The following CRPPA variants were observed in gnomAD, a reference collection of about 807,000 sequenced individuals.
CRPPA encodes the protein CDP-L-ribitol pyrophosphorylase A.
In CRPPA, 43 loss-of-function variants were observed where a neutral mutation model predicts 52.0. The ratio of observed to expected loss-of-function variants is 0.83; its 90% confidence interval spans 0.65 to 1.07. The LOEUF is 1.07. Ranked by LOEUF, CRPPA falls within the 50% of genes least tolerant of loss-of-function variation. The pLI is 0.00. For missense variants in CRPPA, 629 were observed against 551.7 expected (o/e 1.14, Z -1.40); for synonymous variants, 250 against 203.5 (o/e 1.23, Z -1.94).
At chr7:16,298,885 C>G (rs774670669) in intron 5 of CRPPA, among the ~76,000 whole-genome samples, 11 of 152,194 alleles carry the variant, frequency 7.2e-5, no homozygotes, top group Non-Finnish European at 1.2e-4. Flanking sequence ...GGTTCTGGGT[C>G]TTCTTGGGAC....
At chr7:16,368,504 A>G (rs546848668) in intron 3 of CRPPA, among the ~76,000 whole-genome samples, 91 of 152,344 alleles carry the variant, frequency 6.0e-4, no homozygotes, top group African/African-American at 2.1e-3. Flanking sequence ...TAAATTATCA[A>G]TCCAGACATT....
intron 5 of CRPPA, among the ~76,000 whole-genome samples, chr7:16,286,033 AAAAAAATATAAATATATATATAT>A (rs1562608248): frequency 3.2e-4 from 7 of 21,970 alleles, no homozygotes; most frequent in African/African-American, 1.9e-3. Context: ...AAAAAAAAAA[AAAAAAATATAAATATATATATAT>A]ATATATATAT....
intron 4 of CRPPA, among the ~76,000 whole-genome samples, chr7:16,305,097 T>A (rs1784879779): frequency 2.0e-5 from 3 of 152,144 alleles, no homozygotes; most frequent in Admixed American, 2.0e-4. Context: ...ACTCTCATCA[T>A]ACAAAATAAG....
At chr7:16,358,527 C>G (rs1786363799) in intron 3 of CRPPA, among the ~76,000 whole-genome samples, 1 of 152,296 alleles carries the variant, frequency 6.6e-6, no homozygotes. Context: ...TTCACCCCAT[C>G]CACAAAATAT....
intron 2 of CRPPA, among the ~76,000 whole-genome samples, chr7:16,404,580 T>C (rs1007046161): frequency 2.7e-5 from 4 of 149,526 alleles, no homozygotes; most frequent in Admixed American, 6.7e-5. Context: ...GCAATTGTTA[T>C]AGTGAGCTTA....
At chr7:16,214,706 C>T (rs970226991) in intron 9 of CRPPA, among the ~76,000 whole-genome samples, 1 of 152,108 alleles carries the variant, frequency 6.6e-6, no homozygotes, top group Non-Finnish European at 1.5e-5. Flanking sequence ...AGGGTTTCAC[C>T]GTGTTGGCCA....
chr7:16,121,235 T>A, intron 9 of CRPPA, among the ~76,000 whole-genome samples: 1 of 152,192 alleles, frequency 6.6e-6, no homozygotes. Context: ...TTATTTGAAG[T>A]TTAGATTTAT....
At chr7:16,212,017 A>G (rs1247207547) in intron 9 of CRPPA, among the ~76,000 whole-genome samples, 3 of 152,166 alleles carry the variant, frequency 2.0e-5, no homozygotes, top group Admixed American at 2.0e-4. Context: ...CCTATTTTGG[A>G]GATTTTTATA....
intron 9 of CRPPA, among the ~76,000 whole-genome samples, chr7:16,113,191 GA>G (rs1375136853): frequency 6.6e-6 from 1 of 151,566 alleles, no homozygotes; most frequent in Non-Finnish European, 1.5e-5. Context: ...TGAACATAAA[GA>G]AAAAAGAATC....
chr7:16,342,828 G>C lies in CRPPA; in HGVS notation c.684+33264C>G, dbSNP rs546642665. On this transcript the variant is annotated intron_variant, in intron 3 of 9. Coordinates refer to ENST00000407010, the MANE Select transcript of CRPPA (RefSeq NM_001101426.4). Reference sequence around the variant, plus strand: ...ATAGATATATAGATATACATATATAGATATATAGATATATAGATATACATA... The same window carrying C: ...ATAGATATATAGATATACATATATACATATATAGATATATAGATATACATA... Among the ~76,000 whole-genome samples, 1,205 of 132,448 alleles carry C rather than the reference G, an allele frequency of 9.1e-3. 42 individuals carry two copies. Among genetic ancestry groups the C allele is most frequent in the African/African-American group, 0.034 (1,100 of 32,496 alleles). 86.9% of individuals were successfully genotyped at this position (132,448 alleles called of 152,430 possible).
chr7:16,151,600 A>T (rs1459116438), intron 9 of CRPPA, among the ~76,000 whole-genome samples: 1 of 151,586 alleles, frequency 6.6e-6, no homozygotes, highest in East Asian at 2.1e-4. Context: ...AGTATATTTT[A>T]AAAAAATAAA....
At chr7:16,306,993 C>A (rs867912290) in intron 4 of CRPPA, among the ~76,000 whole-genome samples, 3 of 152,086 alleles carry the variant, frequency 2.0e-5, no homozygotes, top group African/African-American at 4.8e-5. Context: ...TTAAGATTAT[C>A]CTGAGACAAT....
chr7:16,155,693 T>A (rs989547044), intron 9 of CRPPA, among the ~76,000 whole-genome samples: 1 of 150,550 alleles, frequency 6.6e-6, no homozygotes, highest in African/African-American at 2.5e-5. Context: ...ATTAATAGAC[T>A]GTTTGTGTTA....
intron 9 of CRPPA, among the ~76,000 whole-genome samples, chr7:16,156,044 T>C (rs901530217): frequency 4.0e-5 from 6 of 151,850 alleles, no homozygotes; most frequent in East Asian, 1.9e-4. Flanking sequence ...GGACTACATC[T>C]TTTTTATATA....
At chr7:16,223,195 G>GC (rs1302944741) in intron 8 of CRPPA, among the ~76,000 whole-genome samples, 1 of 152,158 alleles carries the variant, frequency 6.6e-6, no homozygotes, top group Non-Finnish European at 1.5e-5. Flanking sequence ...CCACATGCCA[G>GC]CTGGACTAAG....
chr7:16,277,138 A>G (rs1272027950), intron 6 of CRPPA: 2 of 152,190 alleles, frequency 1.3e-5, no homozygotes, highest in African/African-American at 4.8e-5. Flanking sequence ...AACAGTTTCA[A>G]TTTACAGATA....
chr7:16,380,004 T>G (rs1237960476), intron 2 of CRPPA, among the ~76,000 whole-genome samples: 1 of 151,762 alleles, frequency 6.6e-6, no homozygotes. Context: ...CTAATTGCCC[T>G]GGCCAGAACT....
intron 5 of CRPPA, among the ~76,000 whole-genome samples, chr7:16,293,593 C>T (rs1784607003): frequency 6.6e-6 from 1 of 151,992 alleles, no homozygotes; most frequent in South Asian, 2.1e-4. Flanking sequence ...AAAGGAAGGA[C>T]AACCAACAAG....
At chr7:16,128,377 C>G (rs1177254374) in intron 9 of CRPPA, among the ~76,000 whole-genome samples, 1 of 152,126 alleles carries the variant, frequency 6.6e-6, no homozygotes, top group African/African-American at 2.4e-5. Flanking sequence ...TACCAGTGAT[C>G]AAAAGTCCTA....
Sources: gnomAD v4.1 joint callset for allele counts (sites outside exome capture counted in the v4.1 genomes callset) on GRCh38, gnomAD v4.1.1 for gene constraint, MANE v1.5 for transcripts, NCBI Gene and HGNC (gene_info 2026-07-23, HGNC 2026-07-21) for gene names.